DIAPH2: variants seen among roughly 807,000 people sequenced by gnomAD.
DIAPH2 encodes diaphanous related formin 2, also known as protein diaphanous homolog 2.
DIAPH2 carries 35 observed loss-of-function variants against 92.7 expected under a neutral mutation model. The ratio of observed to expected loss-of-function variants is 0.38; its 90% CI spans 0.29 to 0.50. DIAPH2 has a LOEUF of 0.50. Among genes scored for constraint, DIAPH2 ranks in the 20% least tolerant of loss-of-function variants. The probability of loss-of-function intolerance (pLI) is 0.94; values close to 1 mark genes in which losing one functional copy is unlikely to be tolerated. For synonymous variants in DIAPH2, 301 were observed against 280.4 expected, an observed-to-expected ratio of 1.07 and a Z score of -0.73; for missense variants, 701 against 819.5, an observed-to-expected ratio of 0.86 and a Z score of 1.77.
intron 5 of DIAPH2, among the ~76,000 whole-genome samples, chrX:96,898,545 T>C (rs1212831056): frequency 1.0e-5 from 1 of 100,013 alleles, no homozygotes; most frequent in African/African-American, 3.5e-5. Flanking sequence ...TGTCTGTTCA[T>C]GTCCTTCGCC....
intron 26 of DIAPH2, among the ~76,000 whole-genome samples, chrX:97,552,411 G>T (rs1258166722): frequency 9.0e-6 from 1 of 111,609 alleles, no homozygotes; most frequent in East Asian, 2.8e-4. Context: ...CTTCCAAATG[G>T]ATGGAATCAT....
chrX:96,982,476 A>G (rs1024808865), intron 17 of DIAPH2, among the ~76,000 whole-genome samples: 1 of 112,174 alleles, frequency 8.9e-6, no homozygotes, highest in African/African-American at 3.2e-5. Flanking sequence ...CCTAGCATGT[A>G]ATTGCTTTTA....
At chrX:96,745,425 G>A (rs1463061625) in intron 3 of DIAPH2, among the ~76,000 whole-genome samples, 4 of 112,182 alleles carry the variant, frequency 3.6e-5, no homozygotes, top group South Asian at 3.7e-4. Context: ...GGGTAATGAT[G>A]TATTGGTGAA....
At chrX:97,237,724 GGCGCCTGCCACC>G (rs1157989798) in intron 22 of DIAPH2, among the ~76,000 whole-genome samples, 1 of 110,420 alleles carries the variant, frequency 9.1e-6, no homozygotes, top group East Asian at 2.8e-4. Flanking sequence ...TGGTACCACA[GGCGCCTGCCACC>G]GCGCCTGGCT....
intron 4 of DIAPH2, among the ~76,000 whole-genome samples, chrX:96,826,457 TA>T (rs2064816837): frequency 9.0e-6 from 1 of 110,653 alleles, no homozygotes; most frequent in South Asian, 3.8e-4. Context: ...TTAAAGCCAT[TA>T]AAAAACCCTT....
At chrX:96,916,716 C>T in intron 8 of DIAPH2, 142 bp downstream of exon 8, 2 of 628,359 alleles carry the variant, frequency 3.2e-6, no homozygotes. Context: ...TTTTATCTTG[C>T]CTGTTTATAT....
chrX:97,266,784 G>A (rs1295082780), intron 23 of DIAPH2, among the ~76,000 whole-genome samples: 1 of 111,791 alleles, frequency 8.9e-6, no homozygotes, highest in African/African-American at 3.2e-5. Flanking sequence ...GATGTTTTTT[G>A]ACTAACACAT....
At chrX:96,739,078 C>T (rs1256156913) in intron 3 of DIAPH2, among the ~76,000 whole-genome samples, 1 of 111,193 alleles carries the variant, frequency 9.0e-6, no homozygotes, top group Non-Finnish European at 1.9e-5. Context: ...GTGTCTGTTT[C>T]TACAAAGCAA....
chrX:97,553,735 A>T (rs940287024), intron 26 of DIAPH2, among the ~76,000 whole-genome samples: 11 of 110,536 alleles, frequency 1.0e-4, no homozygotes, highest in African/African-American at 3.3e-4. Context: ...AAACAGTTTT[A>T]AAAAAGTATG....
chrX:97,538,094 C>T lies in DIAPH2; in HGVS notation c.3242-61159C>T, dbSNP rs545728224. ...AGAGACGGGGTTTCACCATGTTAGCCAGGATGGTCTCGATCTCCTGACCTC... is the reference window on the plus strand; with the variant it reads ...AGAGACGGGGTTTCACCATGTTAGCTAGGATGGTCTCGATCTCCTGACCTC... On this transcript the variant is annotated intron_variant, in intron 26 of 26. Transcript: ENST00000324765. 3.2e-4 allele frequency among the ~76,000 whole-genome samples: 35 copies of T among 109,975 alleles called. 1 individual carries two copies. The South Asian group carries it at 0.014, about 44-fold the overall frequency.
intron 23 of DIAPH2, among the ~76,000 whole-genome samples, chrX:97,296,151 G>A (rs746089523): frequency 3.2e-4 from 36 of 111,331 alleles, no homozygotes; most frequent in African/African-American, 1.0e-3. Context: ...CAGTTCCCCC[G>A]TCTCTACCTC....
At chrX:96,692,313 A>G (rs927484579) in intron 1 of DIAPH2, among the ~76,000 whole-genome samples, 1 of 111,865 alleles carries the variant, frequency 8.9e-6, no homozygotes, top group African/African-American at 3.2e-5. Flanking sequence ...ACATACTGTC[A>G]CGTCTTTAAA....
intron 1 of DIAPH2, among the ~76,000 whole-genome samples, chrX:96,723,913 A>C (rs961802107): frequency 4.4e-5 from 4 of 91,858 alleles, no homozygotes; most frequent in Non-Finnish European, 8.8e-5. Context: ...GAGTGATTCT[A>C]TAATTTTTTT....
At chrX:97,579,649 G>C (rs925373407) in intron 26 of DIAPH2, among the ~76,000 whole-genome samples, 1 of 110,324 alleles carries the variant, frequency 9.1e-6, no homozygotes, top group African/African-American at 3.3e-5. Context: ...TTGGCGATGC[G>C]GGCTCTTTTT....
intron 23 of DIAPH2, among the ~76,000 whole-genome samples, chrX:97,339,097 T>C (rs1335474704): frequency 8.9e-6 from 1 of 111,909 alleles, no homozygotes; most frequent in African/African-American, 3.3e-5. Flanking sequence ...GAATATAATC[T>C]AGAAATTCAT....
rs1421962129 is a variant in DIAPH2, at chrX:97,247,836, G to T, written c.2841G>T (p.Met947Ile). The T allele has an allele frequency of 8.3e-7, 1 of 1,205,792 alleles. No homozygotes were observed. The highest frequency in any genetic ancestry group is 1.8e-5 in the South Asian group (1 of 55,685). The change falls in exon 23 of 27, where the codon ATG (methionine) becomes ATT (isoleucine). Residue 947 changes from methionine (M) to isoleucine (I), a missense_variant. Physicochemically the swap from Met to Ile is conservative, Grantham distance 10 (BLOSUM62 1). This residue lies in a region of DIAPH2 where 536 missense variants were observed against 599.3 expected (regional missense o/e 0.89). Coordinates refer to ENST00000324765, the MANE Select transcript of DIAPH2 (RefSeq NM_006729.5). ...AACACGATAAGTTTGTGGAAAAGAT[G>T]ACCATATCCTTTATTTATTTAAGCA... ...ENQHDKFVEK[M>I]TSFTKTAREQ...
At chrX:97,231,087 CA>C (rs2068005741) in intron 22 of DIAPH2, among the ~76,000 whole-genome samples, 1 of 112,270 alleles carries the variant, frequency 8.9e-6, no homozygotes, top group African/African-American at 3.2e-5. Context: ...AGAATTTCAT[CA>C]AAGCAAATCC....
At chrX:97,512,353 A>C (rs2070903759) in intron 26 of DIAPH2, among the ~76,000 whole-genome samples, 1 of 112,464 alleles carries the variant, frequency 8.9e-6, no homozygotes, top group African/African-American at 3.2e-5. Context: ...ATCGGTGGTG[A>C]TATCCCCTTT....
At chrX:97,205,160 A>G (rs2067786271) in intron 22 of DIAPH2, among the ~76,000 whole-genome samples, 1 of 112,313 alleles carries the variant, frequency 8.9e-6, no homozygotes, top group Non-Finnish European at 1.9e-5. Flanking sequence ...CTTACACCTT[A>G]TACAAAAATT....
Sources: allele counts gnomAD v4.1 joint callset (sites outside exome capture counted in the v4.1 genomes callset), GRCh38; gene constraint gnomAD v4.1.1; regional missense constraint gnomAD v4.1.1; transcripts MANE v1.5; gene names NCBI Gene and HGNC (gene_info 2026-07-23, HGNC 2026-07-21).